PDHB: variants seen among roughly 807,000 people sequenced by gnomAD.
PDHB encodes the protein pyruvate dehydrogenase E1 component subunit beta, mitochondrial.
In PDHB, 17 loss-of-function variants were observed where a neutral mutation model predicts 42.8. That is an observed-to-expected ratio of 0.40 (90% CI 0.27 to 0.60). PDHB has a LOEUF of 0.60. Among genes scored for constraint, PDHB ranks in the 20% least tolerant of loss-of-function variants. PDHB has a pLI of 0.46. For synonymous variants in PDHB, 154 were observed against 148.7 expected (o/e 1.04, Z -0.26); for missense variants, 322 against 451.3 (o/e 0.71, Z 2.60).
chr3:58,428,200 C>T, intron 9 of PDHB, 21 bp from the exon 10 acceptor site: 3 of 1,613,150 alleles, frequency 1.9e-6, no homozygotes, highest in Non-Finnish European at 2.5e-6. Context: ...GAAGGCTCAA[C>T]TGAGAGAGTG....
rs751928661 is a variant in PDHB at position 58,428,092 on chromosome 3, T to C, written c.1022A>G (p.Asn341Ser). 9 of 1,609,700 alleles carry C rather than the reference T, an allele frequency of 5.6e-6. No individual in the cohort carries two copies. Among genetic ancestry groups the C allele is most frequent in the South Asian group, 1.1e-5 (1 of 91,004 alleles). ...PMPYAKILED[N>S]SIPQVKDIIF... ...GATGTCTTTGACCTGAGGTATAGAG[T>C]TGTCCTCTAGAATCTTTGCATAAGG... Residue 341 changes from asparagine (N) to serine (S), a missense_variant, in exon 10 of 10, where the codon AAC becomes AGC. Asn to Ser is a conservative substitution (Grantham distance 46). Transcript: ENST00000302746.
At position 58,427,781 on chromosome 3, in the gene PDHB, G is replaced by A. The variant is rs367907119; in HGVS notation, c.*253C>T. ...ATACTTTGTCCTTGTGGTGAGAGAG[G>A]ATAAAATGTTATATAATTTGTTATT... On this transcript the variant is annotated 3_prime_UTR_variant, in exon 10 of 10. Transcript: ENST00000302746. The A allele has an allele frequency of 2.0e-5, 11 of 546,856 alleles. No homozygotes were observed. Among genetic ancestry groups the A allele is most frequent in the African/African-American group, 1.9e-4 (10 of 53,510 alleles). The allele number at this position is 546,856 out of a possible 1,614,324, so 33.9% of individuals were successfully genotyped here. A position where few individuals can be genotyped will look rare whatever the true frequency, so the allele number is the denominator to read the frequency against.
In PDHB at chr3:58,428,563, T is replaced by C; in HGVS notation, c.844A>G (p.Ser282Gly). Residue 282 changes from serine (S) to glycine (G), a missense_variant, in exon 9 of 10, where the codon AGT becomes GGT. This residue lies in a region of PDHB where 208 missense variants were observed against 285.0 expected (regional missense o/e 0.73). Transcript: ENST00000302746. Reference sequence around the variant, plus strand: ...ACAAGATGATTTGTCTTCATGACACTGGCTTCTATGGTTTCCATGTCCATT... The same window carrying C: ...ACAAGATGATTTGTCTTCATGACACCGGCTTCTATGGTTTCCATGTCCATT... ...RPMDMETIEA[S>G]VMKTNHLVTV... 3 of 1,613,608 alleles carry C rather than the reference T, an allele frequency of 1.9e-6. No homozygotes were observed. Among genetic ancestry groups the C allele is most frequent in the Non-Finnish European group, 2.5e-6 (3 of 1,179,460 alleles).
In PDHB at chr3:58,428,545, G is replaced by T. The variant is rs376110096; in HGVS notation, c.862C>A (p.His288Asn). The T allele has an allele frequency of 6.2e-7, 1 of 1,613,838 alleles. No homozygotes were observed. ...CAGCCTCCTTCCACAGTTACAAGATGATTTGTCTTCATGACACTGGCTTCT... is the reference window on the plus strand; with the variant it reads ...CAGCCTCCTTCCACAGTTACAAGATTATTTGTCTTCATGACACTGGCTTCT... ...TIEASVMKTN[H>N]LVTVEGGWPQ... Residue 288 changes from histidine to asparagine, a missense_variant, in exon 9 of 10, where the codon CAT becomes AAT. His to Asn is a moderately conservative substitution (Grantham distance 68). Around this residue, in one of 3 missense-constraint regions of PDHB, gnomAD observed 208 missense variants for 285.0 expected, o/e 0.73. Transcript: ENST00000302746.
Position 58,433,820 on chromosome 3 carries a change from T to C in PDHB, c.-11A>G, listed in dbSNP as rs1431509739. Reference sequence around the variant, plus strand: ...AGACACCGCCGCCATCTTGGTCGTGTCCTCTATCCGCTGCCAAACGACAAC... The same window carrying C: ...AGACACCGCCGCCATCTTGGTCGTGCCCTCTATCCGCTGCCAAACGACAAC... On this transcript the variant is annotated 5_prime_UTR_variant, in exon 1 of 10. Coordinates refer to ENST00000302746, the MANE Select transcript of PDHB (RefSeq NM_000925.4). 1 of 1,609,372 alleles carries C rather than the reference T, an allele frequency of 6.2e-7. No individual in the cohort carries two copies. Among genetic ancestry groups the C allele is most frequent in the Non-Finnish European group, 8.5e-7 (1 of 1,178,592 alleles).
Position 58,431,431 on chromosome 3 carries a change from C to G in PDHB, c.303+162G>C, listed in dbSNP as rs529671428. 3 of 681,674 alleles carry G rather than the reference C, an allele frequency of 4.4e-6. No homozygotes were observed. The South Asian group carries it at 5.1e-5, about 12-fold the overall frequency. 42.2% of individuals were successfully genotyped at this position (681,674 alleles called of 1,614,324 possible). A position where few individuals can be genotyped will look rare whatever the true frequency, so the allele number is the denominator to read the frequency against. On this transcript the variant is annotated intron_variant, in intron 5 of 9. Transcript: ENST00000302746. This position sits in a 1 kb window ranked among gnomAD's most constrained non-coding sequence, Gnocchi z 4.4. ...AGGCACAGTGGCGCGACCTGTAACC[C>G]CAGCCACTATGGAGGCTGAGGCAGG...
At position 58,427,816 on chromosome 3, in the gene PDHB, T is replaced by C. The variant is rs2062882020; in HGVS notation, c.*218A>G. ...TATATAATTTGTTATTCAAAGAACATGGCAACCGTAACAGACAAAAGGAAG... is the reference window on the plus strand; with the variant it reads ...TATATAATTTGTTATTCAAAGAACACGGCAACCGTAACAGACAAAAGGAAG... On this transcript the variant is annotated 3_prime_UTR_variant, in exon 10 of 10. Coordinates refer to ENST00000302746, the MANE Select transcript of PDHB (RefSeq NM_000925.4). 3.2e-6 allele frequency: 2 copies of C among 624,682 alleles called. No individual in the cohort carries two copies. The highest frequency in any genetic ancestry group is 5.9e-6 in the Non-Finnish European group (2 of 338,180). 38.7% of individuals were successfully genotyped at this position (624,682 alleles called of 1,614,324 possible).
rs1206790610 is a variant in PDHB, at chr3:58,427,793, T to C, written c.*241A>G. 2 of 573,084 alleles carry C rather than the reference T, an allele frequency of 3.5e-6. No homozygotes were observed. The highest frequency in any genetic ancestry group is 2.2e-5 in the Admixed American group (1 of 46,230). The allele number at this position is 573,084 out of a possible 1,614,324, so 35.5% of individuals were successfully genotyped here. On this transcript the variant is annotated 3_prime_UTR_variant, in exon 10 of 10. Coordinates refer to ENST00000302746, the MANE Select transcript of PDHB (RefSeq NM_000925.4). ...TGTGGTGAGAGAGGATAAAATGTTA[T>C]ATAATTTGTTATTCAAAGAACATGG...
chr3:58,429,676 A>G (rs1251598506), intron 8 of PDHB, 32 bp downstream of exon 8: 10 of 1,317,334 alleles, frequency 7.6e-6, no homozygotes, highest in Admixed American at 6.7e-5. Flanking sequence ...GAGCCCTTCT[A>G]ATTCTTTAAG....
intron 7 of PDHB, 37 bp from the exon 8 acceptor site, chr3:58,429,836 G>T: frequency 8.2e-7 from 1 of 1,218,526 alleles, no homozygotes; most frequent in South Asian, 1.2e-5. Flanking sequence ...AGATCAGGTT[G>T]AAACTGAAGA....
chr3:58,433,712 G>A, intron 1 of PDHB, 28 bp from the exon 2 acceptor site: 2 of 1,612,524 alleles, frequency 1.2e-6, no homozygotes, highest in Non-Finnish European at 1.7e-6. Flanking sequence ...AGATGACGGC[G>A]GGACGCAGGG....
intron 8 of PDHB, 166 bp from the exon 9 acceptor site, chr3:58,428,780 T>C (rs1162119817): frequency 3.1e-6 from 2 of 636,640 alleles, no homozygotes; most frequent in Non-Finnish European, 5.5e-6. Flanking sequence ...AAAGGAAAAA[T>C]TTTAATTAAA....
Position 58,431,450 on chromosome 3 carries a change from A to T in PDHB, c.303+143T>A. ...GTAACCCCAGCCACTATGGAGGCTG[A>T]GGCAGGAGAATTGCTTGAACCTGGA... On this transcript the variant is annotated intron_variant, in intron 5 of 9. Transcript: ENST00000302746. This position sits in a 1 kb window ranked among gnomAD's most constrained non-coding sequence, Gnocchi z 4.4. 1.4e-6 allele frequency: 1 copy of T among 738,578 alleles called. No homozygotes were observed. Among genetic ancestry groups the T allele is most frequent in the Non-Finnish European group, 2.4e-6 (1 of 416,110 alleles). The allele number at this position is 738,578 out of a possible 1,614,324, so 45.8% of individuals were successfully genotyped here. A position where few individuals can be genotyped will look rare whatever the true frequency, so the allele number is the denominator to read the frequency against.
chr3:58,429,852 C>T (rs939824334), intron 7 of PDHB, 53 bp from the exon 8 acceptor site: 1 of 1,016,160 alleles, frequency 9.8e-7, no homozygotes, highest in Non-Finnish European at 1.6e-6. Context: ...GAAGATGCTA[C>T]ACCACTGTGC....
At chr3:58,433,418 C>T in intron 2 of PDHB, 1 of 606,082 alleles carries the variant, frequency 1.6e-6, no homozygotes, top group Non-Finnish European at 2.9e-6. Flanking sequence ...TTAGTTTTCC[C>T]CCATTGCCCA....
chr3:58,431,407 G>A lies in PDHB; in HGVS notation c.303+186C>T, dbSNP rs967059100. The A allele has an allele frequency of 4.0e-5, 24 of 603,302 alleles. No individual in the cohort carries two copies. The highest frequency in any genetic ancestry group is 6.5e-5 in the Non-Finnish European group (22 of 338,164). 37.4% of individuals were successfully genotyped at this position (603,302 alleles called of 1,614,324 possible). A position where few individuals can be genotyped will look rare whatever the true frequency, so the allele number is the denominator to read the frequency against. ...CTACTAAAAACACAAAAATTGGCTA[G>A]GCACAGTGGCGCGACCTGTAACCCC... On this transcript the variant is annotated intron_variant, in intron 5 of 9. Transcript: ENST00000302746. This position sits in a 1 kb window ranked among gnomAD's most constrained non-coding sequence, Gnocchi z 4.4.
intron 2 of PDHB, chr3:58,432,206 G>A (rs2062926460): frequency 3.6e-6 from 2 of 553,864 alleles, no homozygotes; most frequent in South Asian, 2.1e-5. Flanking sequence ...GCCAAGTACT[G>A]CCAAATACTT....
chr3:58,428,917 T>G, intron 8 of PDHB: 1 of 347,038 alleles, frequency 2.9e-6, no homozygotes, highest in Non-Finnish European at 5.4e-6. Context: ...TGCAGTGGCG[T>G]GATCTCGGCT....
intron 8 of PDHB, among the ~76,000 whole-genome samples, chr3:58,429,330 C>G (rs550197003): frequency 7.2e-5 from 11 of 152,160 alleles, no homozygotes; most frequent in Non-Finnish European, 1.6e-4. Context: ...AGATCCAGAA[C>G]CTCAGAAGGG....
Sources: allele counts gnomAD v4.1 joint callset (sites outside exome capture counted in the v4.1 genomes callset), GRCh38; gene constraint gnomAD v4.1.1; regional missense constraint gnomAD v4.1.1; non-coding constraint Gnocchi (gnomAD v3.1); transcripts MANE v1.5; gene names NCBI Gene and HGNC (gene_info 2026-07-23, HGNC 2026-07-21).